SHC4: variants seen among roughly 807,000 people sequenced by gnomAD.
The protein encoded by SHC4 is SHC adaptor protein 4.
In SHC4, 41 loss-of-function variants were observed where a neutral mutation model predicts 69.4. The ratio of observed to expected loss-of-function variants is 0.59; its 90% CI spans 0.46 to 0.77. The LOEUF is 0.77. Ranked by LOEUF, SHC4 falls within the 30% of genes least tolerant of loss-of-function variation. The pLI, the probability that SHC4 is intolerant of heterozygous loss-of-function variation, is 0.00. For missense variants in SHC4, 777 were observed against 783.8 expected (o/e 0.99, Z 0.10); for synonymous variants, 318 against 299.3 (o/e 1.06, Z -0.64).
intron 1 of SHC4, among the ~76,000 whole-genome samples, chr15:48,949,853 TATA>T (rs546119852): frequency 6.2e-5 from 9 of 145,810 alleles, no homozygotes; most frequent in Middle Eastern, 3.6e-3. Context: ...ATTTATATAT[TATA>T]ATTAGTATAT....
chr15:48,850,009 C>A (rs1899175750), intron 9 of SHC4, among the ~76,000 whole-genome samples: 1 of 152,124 alleles, frequency 6.6e-6, no homozygotes, highest in South Asian at 2.1e-4. Context: ...TTGAAGTCAG[C>A]CTGACCAACA....
chr15:48,891,093 TTG>T lies in SHC4; in HGVS notation c.657-284_657-283del, dbSNP rs371783297. On this transcript the variant is annotated intron_variant, in intron 2 of 11. Coordinates refer to ENST00000332408, the MANE Select transcript of SHC4 (RefSeq NM_203349.4). ...TCCTTGGGTTTTCAGATTTTGTTTA[TTG>T]TGTTGTTGATTTTTAACCAAAAAGG... Among the ~76,000 whole-genome samples the T allele has an allele frequency of 3.1e-3, 479 of 152,352 alleles. 1 individual carries two copies. The highest frequency in any genetic ancestry group is 0.011 in the African/African-American group (453 of 41,586).
rs746112352 is a variant in SHC4 at position 48,962,934 on chromosome 15, C to T, written c.82G>A (p.Ala28Thr). 9.3e-6 allele frequency: 15 copies of T among 1,613,162 alleles called. No individual in the cohort carries two copies. In the African/African-American group the frequency reaches 1.7e-4, roughly 19 times the overall value. The change falls in exon 1 of 12, where the codon GCC becomes ACC. Residue 28 changes from alanine (A) to threonine (T), a missense_variant. Ala to Thr is a moderately conservative substitution (Grantham distance 58). Transcript: ENST00000332408. ...TCGTTCCGAAAGCGGCTGTACTTGG[C>T]CCTGTGCAGCATCCCGGGGTGCCCG... Reference protein sequence around the residue: ...LFGHPGMLHRAKYSRFRNESI... With the variant: ...LFGHPGMLHRTKYSRFRNESI...
intron 3 of SHC4, among the ~76,000 whole-genome samples, chr15:48,889,268 G>C (rs988332435): frequency 6.6e-6 from 1 of 152,206 alleles, no homozygotes; most frequent in African/African-American, 2.4e-5. Context: ...TAGTCAAAGG[G>C]AGTCCTTGAT....
intron 4 of SHC4, chr15:48,880,263 C>G (rs1899915021): frequency 6.0e-6 from 1 of 166,492 alleles, no homozygotes; most frequent in African/African-American, 2.4e-5. Context: ...CAAGGCTGAT[C>G]AGAATTGCTC....
At chr15:48,913,139 T>G (rs1900540478) in intron 2 of SHC4, among the ~76,000 whole-genome samples, 1 of 151,278 alleles carries the variant, frequency 6.6e-6, no homozygotes, top group Admixed American at 6.6e-5. Context: ...GCCCTTAGTG[T>G]GTGGGGTCCT....
chr15:48,830,874 G>A (rs62009450), intron 11 of SHC4, among the ~76,000 whole-genome samples: 14,995 of 152,158 alleles, frequency 0.099, 851 homozygotes, highest in African/African-American at 0.15. Flanking sequence ...AGATATTCTA[G>A]AATAAGGCAT....
chr15:48,954,079 T>G (rs1901406096), intron 1 of SHC4, among the ~76,000 whole-genome samples: 1 of 152,304 alleles, frequency 6.6e-6, no homozygotes, highest in South Asian at 2.1e-4. Flanking sequence ...ATACACTTCA[T>G]CCCACTGGCT....
chr15:48,904,338 T>C (rs1265878930), intron 2 of SHC4, among the ~76,000 whole-genome samples: 1 of 152,242 alleles, frequency 6.6e-6, no homozygotes, highest in African/African-American at 2.4e-5. Flanking sequence ...GTAATATCTA[T>C]TTTATAAATG....
intron 10 of SHC4, among the ~76,000 whole-genome samples, chr15:48,836,023 C>CAA (rs57343981): frequency 0.04 from 2,385 of 60,070 alleles, 23 homozygotes; most frequent in African/African-American, 0.047. Context: ...ACAAAAAATC[C>CAA]AAAAAAAAAA....
At position 48,856,136 on chromosome 15, in the gene SHC4, A is replaced by G. The variant is rs1899309416; in HGVS notation, c.1071-12T>C. The G allele has an allele frequency of 6.2e-7, 1 of 1,606,422 alleles. No individual in the cohort carries two copies. The highest frequency in any genetic ancestry group is 1.3e-5 in the African/African-American group (1 of 74,666). On this transcript the variant is annotated splice_polypyrimidine_tract_variant and intron_variant, in intron 7 of 11. Coordinates refer to ENST00000332408, the MANE Select transcript of SHC4 (RefSeq NM_203349.4). ...TATGCACCTCCTCACTGTGAAGGAA[A>G]AAAGAATCCTCAAGAGGCTGGGCGA...
chr15:48,874,007 A>G (rs972853736), intron 4 of SHC4, among the ~76,000 whole-genome samples: 1 of 152,200 alleles, frequency 6.6e-6, no homozygotes, highest in Non-Finnish European at 1.5e-5. Context: ...TAAAATTCAT[A>G]TGGAAGAATA....
Position 48,941,602 on chromosome 15 carries a change from G to A in SHC4, c.586-16653C>T, listed in dbSNP as rs77341631. Among the ~76,000 whole-genome samples the A allele has an allele frequency of 2.7e-3, 417 of 152,242 alleles. 2 individuals are homozygous for A. The highest frequency in any genetic ancestry group is 9.4e-3 in the African/African-American group (390 of 41,540). On this transcript the variant is annotated intron_variant, in intron 1 of 11. Coordinates refer to ENST00000332408, the MANE Select transcript of SHC4 (RefSeq NM_203349.4). ...TCACAGTCCCTGGGGAGGCAGGAGT[G>A]AAGACTACCCATGAAATGTGAAAGA... is the stretch of plus-strand genomic sequence containing the variant.
intron 1 of SHC4, among the ~76,000 whole-genome samples, chr15:48,950,314 G>A (rs1006297349): frequency 2.7e-5 from 4 of 149,588 alleles, no homozygotes; most frequent in African/African-American, 9.8e-5. Context: ...ACTTCTAACC[G>A]ATCATTAGGG....
intron 2 of SHC4, among the ~76,000 whole-genome samples, chr15:48,906,551 T>C (rs1900409240): frequency 1.3e-5 from 2 of 152,080 alleles, no homozygotes; most frequent in Admixed American, 6.5e-5. Flanking sequence ...AACTACCATA[T>C]TGCCACAATA....
chr15:48,938,853 C>G (rs12323955), intron 1 of SHC4, among the ~76,000 whole-genome samples: 32,833 of 152,154 alleles, frequency 0.22, 3,817 homozygotes, highest in East Asian at 0.42. Flanking sequence ...ATATGGCATA[C>G]AGTCTAGGAG....
intron 5 of SHC4, among the ~76,000 whole-genome samples, chr15:48,870,057 C>T (rs539711016): frequency 4.6e-5 from 7 of 152,278 alleles, no homozygotes; most frequent in Non-Finnish European, 7.4e-5. Context: ...TAAATGTTTG[C>T]GCACCAATTC....
At position 48,826,098 on chromosome 15, in the gene SHC4, T is replaced by C; in HGVS notation, c.1766A>G (p.Asn589Ser). Residue 589 changes from asparagine to serine, a missense_variant, in exon 12 of 12, where the codon AAT becomes AGT. Coordinates refer to ENST00000332408, the MANE Select transcript of SHC4 (RefSeq NM_203349.4). ...KVRTKDHVFD[N>S]VGHLIRYHMD... is the part of the protein sequence containing the mutation. ...ATGGTATCTGATAAGGTGGCCGACA[T>C]TATCAAATACATGATCCTTGGTCCT... 3.7e-6 allele frequency: 6 copies of C among 1,613,428 alleles called. No individual in the cohort carries two copies. The highest frequency in any genetic ancestry group is 5.1e-6 in the Non-Finnish European group (6 of 1,179,812).
intron 1 of SHC4, among the ~76,000 whole-genome samples, chr15:48,932,145 T>A (rs1455449564): frequency 1.3e-5 from 2 of 152,082 alleles, no homozygotes; most frequent in African/African-American, 4.8e-5. Context: ...AGCACATTAC[T>A]AAAACACATA....
Sources: gnomAD v4.1 joint callset for allele counts (sites outside exome capture counted in the v4.1 genomes callset) on GRCh38, gnomAD v4.1.1 for gene constraint, MANE v1.5 for transcripts, NCBI Gene and HGNC (gene_info 2026-07-23, HGNC 2026-07-21) for gene names.